PFKFB3: variants seen among roughly 807,000 people sequenced by gnomAD.
PFKFB3 encodes 6-phosphofructo-2-kinase/fructose-2,6-biphosphatase 3.
A neutral mutation model predicts 68.0 loss-of-function variants in PFKFB3; 33 were observed. That is an observed-to-expected ratio of 0.49 (90% CI 0.37 to 0.65). The LOEUF is 0.65. PFKFB3 is among the 30% of genes least tolerant of loss of function. The pLI is 0.00. For missense variants in PFKFB3, 586 were observed against 712.2 expected, an observed-to-expected ratio of 0.82 and a Z score of 2.02; for synonymous variants, 315 against 288.2, an observed-to-expected ratio of 1.09 and a Z score of -0.94.
chr10:6,210,631 A>ATCTCCTGACC (rs1355909907), intron 1 of PFKFB3, among the ~76,000 whole-genome samples: 20 of 4,696 alleles, frequency 4.3e-3, no homozygotes, highest in Non-Finnish European at 7.4e-3. Flanking sequence ...GATAGTCTTG[A>ATCTCCTGACC]TAGTGTTTTT....
chr10:6,228,206 G>C lies in PFKFB3; in HGVS notation c.1515+1841G>C. The C allele has an allele frequency of 6.2e-7, 1 of 1,612,694 alleles. No individual in the cohort carries two copies. Among genetic ancestry groups the C allele is most frequent in the Non-Finnish European group, 8.5e-7 (1 of 1,179,860 alleles). On this transcript the variant is annotated intron_variant, in intron 14 of 14. Transcript: ENST00000379775. The surrounding 1 kb of genome is among the most constrained non-coding windows in gnomAD (Gnocchi z 4.5). ...GCTTCTCCTCCGCAGCCTTTGCTAG[G>C]GCAAGCCTGTCTGTAAGTATCTCTC...
chr10:6,278,687 G>C, the PFKFB3 span, among the ~76,000 whole-genome samples: 5 of 152,214 alleles, frequency 3.3e-5, no homozygotes, highest in Admixed American at 3.3e-4. Flanking sequence ...AGCTAAAGTG[G>C]ATACTAACTT....
chr10:6,276,848 G>GTGTA, the PFKFB3 span, among the ~76,000 whole-genome samples: 1 of 151,564 alleles, frequency 6.6e-6, no homozygotes, highest in Non-Finnish European at 1.5e-5. Context: ...TTGTGTGTGT[G>GTGTA]TGTGTGTGTG....
At chr10:6,211,382 G>A (rs112440211) in intron 1 of PFKFB3, among the ~76,000 whole-genome samples, 12 of 152,286 alleles carry the variant, frequency 7.9e-5, no homozygotes, top group East Asian at 7.7e-4. Context: ...ATGTGTGTGC[G>A]TCTGTCTCTG....
rs565521060 is a variant in PFKFB3, at chr10:6,157,057, A to G, written c.16+12044A>G. 2.8e-3 allele frequency among the ~76,000 whole-genome samples: 416 copies of G among 151,162 alleles called. 2 individuals carry two copies. Among genetic ancestry groups the G allele is most frequent in the African/African-American group, 9.8e-3 (406 of 41,268 alleles). ...CAGTGAGCCGAGATGGTGCCACTGC[A>G]CTCCAGCCTGGGCCACAGAGCGAGA... On this transcript the variant is annotated intron_variant, in intron 1 of 14. Transcript: ENST00000379789.
intron 1 of PFKFB3, among the ~76,000 whole-genome samples, chr10:6,178,364 T>C (rs1286372182): frequency 6.6e-6 from 1 of 152,078 alleles, no homozygotes. Flanking sequence ...CCCTGTCCTC[T>C]TGGGGAGACA....
rs1845074338 is a variant in PFKFB3, at chr10:6,222,998, G to T, written c.1213+14G>T. On this transcript the variant is annotated intron_variant, in intron 11 of 14. Coordinates refer to ENST00000379775, the MANE Select transcript of PFKFB3 (RefSeq NM_004566.4). ...ATAAGAGTGCAGGTACCTCGGGCAG[G>T]TCGTGGCCCCGGGATGGAGGGAGGA... The T allele has an allele frequency of 2.5e-6, 4 of 1,610,180 alleles. No individual in the cohort carries two copies. Among genetic ancestry groups the T allele is most frequent in the African/African-American group, 1.3e-5 (1 of 74,822 alleles).
Position 6,220,919 on chromosome 10 carries a change from C to G in PFKFB3, c.831+54C>G, listed in dbSNP as rs993111427. 10 of 1,454,950 alleles carry G rather than the reference C, an allele frequency of 6.9e-6. No homozygotes were observed. Among genetic ancestry groups the G allele is most frequent in the African/African-American group, 2.8e-5 (2 of 71,616 alleles). 90.1% of individuals were successfully genotyped at this position (1,454,950 alleles called of 1,614,324 possible). On this transcript the variant is annotated intron_variant, in intron 8 of 14. Coordinates refer to ENST00000379775, the MANE Select transcript of PFKFB3 (RefSeq NM_004566.4). This position sits in a 1 kb window ranked among gnomAD's most constrained non-coding sequence, Gnocchi z 4.1. ...TCTGGCTGTAGGGCGGTTGCAGGGT[C>G]TATAGGGTGGGTGGGGAGCTGTGTG...
intron 1 of PFKFB3, among the ~76,000 whole-genome samples, chr10:6,179,902 C>T (rs1167732180): frequency 6.6e-6 from 1 of 152,096 alleles, no homozygotes; most frequent in African/African-American, 2.4e-5. Context: ...AGAGTGACAC[C>T]CAAGCATGTA....
chr10:6,254,565 G>T, exon 15 of PFKFB3: 1 of 389,576 alleles, frequency 2.6e-6, no homozygotes, highest in Non-Finnish European at 4.5e-6. Context: ...TGTAGAAGTG[G>T]AAATAGTGCT....
At chr10:6,195,136 T>C (rs749333122) in intron 1 of PFKFB3, among the ~76,000 whole-genome samples, 15 of 152,132 alleles carry the variant, frequency 9.9e-5, no homozygotes, top group Non-Finnish European at 1.9e-4. Flanking sequence ...CCTCCCAAAG[T>C]GCTGGGATTA....
intron 1 of PFKFB3, among the ~76,000 whole-genome samples, chr10:6,180,381 ATCAT>A (rs1172792927): frequency 2.6e-5 from 4 of 152,208 alleles, no homozygotes; most frequent in African/African-American, 9.7e-5. Context: ...GAAGAAAGAA[ATCAT>A]TCATAATTAC....
At chr10:6,323,093 G>A in the PFKFB3 span, among the ~76,000 whole-genome samples, 1 of 152,192 alleles carries the variant, frequency 6.6e-6, no homozygotes, top group Non-Finnish European at 1.5e-5. Flanking sequence ...GGAGGCCTTC[G>A]AAGCCTCACA....
intron 14 of PFKFB3, chr10:6,231,395 T>G: frequency 6.3e-7 from 1 of 1,598,556 alleles, no homozygotes; most frequent in Non-Finnish European, 8.5e-7. Flanking sequence ...CATCGTGCAA[T>G]GCGGGGCTCA....
rs763189277 is a variant in PFKFB3, at chr10:6,226,306, A to T, written c.1456A>T (p.Thr486Ser). The stretch of plus-strand genomic sequence containing the variant: ...CAGCTTTGAGGAGCATGTGGCCTCC[A>T]CCTCGGCCGCCCTGCCCAGCTGCCT... ...INSFEEHVAS[T>S]SAALPSCLPP... Residue 486 changes from threonine to serine, a missense_variant, in exon 14 of 15, where the codon ACC becomes TCC. Physicochemically the swap from Thr to Ser is moderately conservative, Grantham distance 58. Coordinates refer to ENST00000379775, the MANE Select transcript of PFKFB3 (RefSeq NM_004566.4). 5.0e-6 allele frequency: 8 copies of T among 1,613,938 alleles called. No individual in the cohort carries two copies. Among genetic ancestry groups the T allele is most frequent in the African/African-American group, 1.3e-5 (1 of 74,918 alleles).
intron 1 of PFKFB3, among the ~76,000 whole-genome samples, chr10:6,165,072 T>A (rs1434338389): frequency 6.6e-6 from 1 of 152,080 alleles, no homozygotes; most frequent in African/African-American, 2.4e-5. Flanking sequence ...GTCAGGTCTT[T>A]CCCTTCCCAG....
rs1845732873 is a variant in PFKFB3, at chr10:6,231,378, G to C, written c.1516-1517G>C. On this transcript the variant is annotated intron_variant, in intron 14 of 14. Transcript: ENST00000379775. ...GTCACGGCATCTGGGTCTGTGTGCA[G>C]ACTGGCCATCGTGCAATGCGGGGCT... is the stretch of plus-strand genomic sequence containing the variant. 4 of 1,608,144 alleles carry C rather than the reference G, an allele frequency of 2.5e-6. No individual in the cohort carries two copies. The Admixed American group carries it at 6.7e-5, about 27-fold the overall frequency.
In PFKFB3 at chr10:6,219,657, C is replaced by T. The variant is rs1844818152; in HGVS notation, c.587C>T (p.Ala196Val). The change falls in exon 7 of 15, where the codon GCC becomes GTC. Residue 196 changes from alanine to valine, a missense_variant. Physicochemically the swap from Ala to Val is moderately conservative, Grantham distance 64. Transcript: ENST00000379775. ...DFMKRISCYE[A>V]SYQPLDPDKC... is the part of the protein sequence containing the mutation. ...ATGAAGAGGATCAGTTGCTATGAAG[C>T]CAGCTACCAGCCCCTCGACCCCGAC... 1.2e-6 allele frequency: 2 copies of T among 1,613,870 alleles called. No individual in the cohort carries two copies. Among genetic ancestry groups the T allele is most frequent in the Non-Finnish European group, 1.7e-6 (2 of 1,179,802 alleles).
At chr10:6,277,203 TTTTC>T in the PFKFB3 span, among the ~76,000 whole-genome samples, 3 of 151,770 alleles carry the variant, frequency 2.0e-5, no homozygotes, top group Non-Finnish European at 4.4e-5. Context: ...GATGGTTTCT[TTTTC>T]TTTCTTTCTT....
Sources: allele counts gnomAD v4.1 joint callset (sites outside exome capture counted in the v4.1 genomes callset), GRCh38; gene constraint gnomAD v4.1.1; non-coding constraint Gnocchi (gnomAD v3.1); transcripts MANE v1.5; gene names NCBI Gene and HGNC (gene_info 2026-07-23, HGNC 2026-07-21).